EFCAB5: variants seen among roughly 807,000 people sequenced by gnomAD.
The protein encoded by EFCAB5 is EF-hand calcium-binding domain-containing protein 5.
A neutral mutation model predicts 167.9 loss-of-function variants in EFCAB5; 131 were observed. The ratio of observed to expected loss-of-function variants is 0.78; its 90% CI spans 0.68 to 0.90. The LOEUF (loss-of-function observed/expected upper bound fraction) is 0.90. Ranked by LOEUF, EFCAB5 falls within the 40% of genes least tolerant of loss-of-function variation. The probability of loss-of-function intolerance (pLI) is 0.00; values close to 1 mark genes in which losing one functional copy is unlikely to be tolerated. For missense variants in EFCAB5, 1,663 were observed against 1,745.2 expected (o/e 0.95, Z 0.84); for synonymous variants, 574 against 602.8 (o/e 0.95, Z 0.70).
At chr17:30,074,653 T>C (rs144430687) in intron 14 of EFCAB5, 66 of 152,318 alleles carry the variant, frequency 4.3e-4, no homozygotes, top group African/African-American at 1.5e-3. Context: ...TATGTTTTCA[T>C]TTCTTATTAA....
At chr17:30,051,372 G>A (rs186228504) in intron 9 of EFCAB5, among the ~76,000 whole-genome samples, 155 bp downstream of exon 9, 90 of 152,152 alleles carry the variant, frequency 5.9e-4, no homozygotes, top group South Asian at 2.1e-3. Context: ...ACTGTATCTA[G>A]TTGTTTATTC....
At chr17:30,065,760 GA>G (rs2070550424) in intron 14 of EFCAB5, 1 of 152,138 alleles carries the variant, frequency 6.6e-6, no homozygotes, top group African/African-American at 2.4e-5. Context: ...AAAGTGAAGG[GA>G]TGGAAAAAGA....
intron 18 of EFCAB5, among the ~76,000 whole-genome samples, chr17:30,083,320 T>G (rs2071026746): frequency 6.6e-6 from 1 of 152,160 alleles, no homozygotes; most frequent in African/African-American, 2.4e-5. Context: ...CCATCAGGGC[T>G]CTCTTGTGTT....
chr17:29,963,264 A>G (rs906101851), intron 3 of EFCAB5, among the ~76,000 whole-genome samples: 2 of 152,026 alleles, frequency 1.3e-5, no homozygotes, highest in Non-Finnish European at 2.9e-5. Flanking sequence ...TTAAATAACT[A>G]CCTTTATTAT....
chr17:30,021,014 G>A (rs1028492003), intron 7 of EFCAB5, among the ~76,000 whole-genome samples: 15 of 152,006 alleles, frequency 9.9e-5, no homozygotes, highest in Non-Finnish European at 1.8e-4. Context: ...TATATAGCTG[G>A]GTCTTAATAT....
intron 14 of EFCAB5, 61 bp downstream of exon 14, chr17:30,059,762 G>A (rs987719036): frequency 3.5e-6 from 5 of 1,445,878 alleles, no homozygotes; most frequent in Middle Eastern, 2.5e-4. Context: ...AAGTTTCTCA[G>A]TACACATATA....
chr17:29,950,986 A>G (rs1182074059), intron 3 of EFCAB5, among the ~76,000 whole-genome samples: 1 of 152,216 alleles, frequency 6.6e-6, no homozygotes, highest in Non-Finnish European at 1.5e-5. Flanking sequence ...AAAGCATTAT[A>G]TATTTATGAG....
intron 4 of EFCAB5, among the ~76,000 whole-genome samples, chr17:29,992,492 C>T (rs571291042): frequency 2.6e-4 from 40 of 152,234 alleles, no homozygotes; most frequent in African/African-American, 8.4e-4. Context: ...GGACTACAGG[C>T]GCATGCCACC....
intron 14 of EFCAB5, among the ~76,000 whole-genome samples, chr17:30,060,810 A>G (rs1274399415): frequency 2.0e-5 from 3 of 152,234 alleles, no homozygotes; most frequent in Non-Finnish European, 4.4e-5. Context: ...ATTTCGTAAC[A>G]CAAAACCACA....
intron 4 of EFCAB5, chr17:29,973,062 T>G (rs928641284): frequency 1.3e-5 from 2 of 152,372 alleles, no homozygotes; most frequent in Admixed American, 6.5e-5. Context: ...CAGGAGCGTC[T>G]TCCCAGCCAG....
intron 3 of EFCAB5, among the ~76,000 whole-genome samples, chr17:29,946,466 T>G (rs1036329731): frequency 5.9e-5 from 8 of 136,006 alleles, no homozygotes; most frequent in Non-Finnish European, 1.2e-4. Context: ...AGACAGAGTC[T>G]CGCTCTGTCA....
At chr17:30,103,428 T>G (rs1013498358) in intron 22 of EFCAB5, among the ~76,000 whole-genome samples, 2 of 152,090 alleles carry the variant, frequency 1.3e-5, no homozygotes, top group Non-Finnish European at 2.9e-5. Flanking sequence ...TATGTGATAT[T>G]GTACAGAAAT....
chr17:30,029,871 A>G (rs2069432706), intron 7 of EFCAB5, among the ~76,000 whole-genome samples: 1 of 152,202 alleles, frequency 6.6e-6, no homozygotes, highest in African/African-American at 2.4e-5. Context: ...GAGCTATAGA[A>G]TCTTATAATA....
intron 19 of EFCAB5, 177 bp from the exon 20 acceptor site, chr17:30,090,244 G>A: frequency 2.5e-6 from 2 of 801,960 alleles, no homozygotes; most frequent in Non-Finnish European, 3.8e-6. Flanking sequence ...ACATGAGTGA[G>A]CAAACAGACA....
In EFCAB5 at chr17:30,051,105, C is replaced by G; in HGVS notation, c.1201-13C>G. ...CCTGTAACAACTAATCACAAACTTT[C>G]TTCTTTGCTTAGGTAGGGTTTTTGG... On this transcript the variant is annotated splice_polypyrimidine_tract_variant and intron_variant, in intron 8 of 22. Coordinates refer to ENST00000394835, the MANE Select transcript of EFCAB5 (RefSeq NM_198529.4). 6.2e-7 allele frequency: 1 copy of G among 1,612,502 alleles called. No individual in the cohort carries two copies. The highest frequency in any genetic ancestry group is 8.5e-7 in the Non-Finnish European group (1 of 1,178,896).
intron 3 of EFCAB5, among the ~76,000 whole-genome samples, chr17:29,957,184 T>C (rs1342306474): frequency 2.0e-5 from 3 of 152,170 alleles, no homozygotes; most frequent in Non-Finnish European, 4.4e-5. Context: ...CATCAAATGC[T>C]TTTTTGGCAT....
At chr17:30,050,506 A>T (rs2070061573) in intron 8 of EFCAB5, among the ~76,000 whole-genome samples, 1 of 152,148 alleles carries the variant, frequency 6.6e-6, no homozygotes, top group Non-Finnish European at 1.5e-5. Flanking sequence ...CTGCAGTGAC[A>T]TGATCATAGC....
At chr17:29,948,185 T>A (rs2067442483) in intron 3 of EFCAB5, among the ~76,000 whole-genome samples, 1 of 152,220 alleles carries the variant, frequency 6.6e-6, no homozygotes, top group African/African-American at 2.4e-5. Context: ...TAATTTGTTA[T>A]AAATTTAATT....
Position 30,019,922 on chromosome 17 carries a change from C to T in EFCAB5, c.1045-14308C>T, listed in dbSNP as rs565361340. Among the ~76,000 whole-genome samples, 13 of 152,112 alleles carry T rather than the reference C, an allele frequency of 8.5e-5. 1 individual carries two copies. The South Asian group carries it at 1.9e-3, about 22-fold the overall frequency. On this transcript the variant is annotated intron_variant, in intron 7 of 22. Transcript: ENST00000394835. Reference sequence around the variant, plus strand: ...TTATAATACGTGTATTTATGTACAACGGGATGTTTATATATATAAAATGTA... The same window carrying T: ...TTATAATACGTGTATTTATGTACAATGGGATGTTTATATATATAAAATGTA...
Sources: allele counts gnomAD v4.1 joint callset (sites outside exome capture counted in the v4.1 genomes callset), GRCh38; gene constraint gnomAD v4.1.1; transcripts MANE v1.5; gene names NCBI Gene and HGNC (gene_info 2026-07-23, HGNC 2026-07-21).